Variants in LYPD6 observed in about 807,000 individuals in gnomAD.
LYPD6 encodes LY6/PLAUR domain containing 6.
A neutral mutation model predicts 22.7 loss-of-function variants in LYPD6; 15 were observed. That is an observed-to-expected ratio of 0.66 (90% CI 0.44 to 1.02). The LOEUF (loss-of-function observed/expected upper bound fraction) is 1.02, where lower values mean the gene tolerates loss of function less well. Among genes scored for constraint, LYPD6 ranks in the 50% least tolerant of loss-of-function variants. LYPD6 has a pLI of 0.00. For missense variants in LYPD6, 189 were observed against 208.4 expected, an observed-to-expected ratio of 0.91 and a Z score of 0.57; for synonymous variants, 72 against 77.5, an observed-to-expected ratio of 0.93 and a Z score of 0.37.
intron 1 of LYPD6, among the ~76,000 whole-genome samples, chr2:149,407,231 G>C (rs184257641): frequency 6.6e-6 from 1 of 152,268 alleles, no homozygotes; most frequent in East Asian, 1.9e-4. Flanking sequence ...TCTTCTGGAG[G>C]AGTATCTTTG....
chr2:149,368,269 T>C (rs1681724984), intron 1 of LYPD6: 1 of 152,246 alleles, frequency 6.6e-6, no homozygotes, highest in African/African-American at 2.4e-5. Flanking sequence ...TGGGAGGCAT[T>C]GGAGTATTAG....
chr2:149,470,534 G>C (rs1681308709), intron 4 of LYPD6, 149 bp from the exon 5 acceptor site: 3 of 638,816 alleles, frequency 4.7e-6, no homozygotes, highest in Non-Finnish European at 8.1e-6. Flanking sequence ...ATTATCCCCA[G>C]CCTTCCTGAA....
chr2:149,388,337 A>T (rs1326511236), intron 1 of LYPD6, among the ~76,000 whole-genome samples: 2 of 152,182 alleles, frequency 1.3e-5, no homozygotes, highest in African/African-American at 4.8e-5. Context: ...TGAATTCAGA[A>T]ACATTGCTAT....
Position 149,443,156 on chromosome 2 carries a change from C to T in LYPD6, c.118+5330C>T, listed in dbSNP as rs143967512. On this transcript the variant is annotated intron_variant, in intron 2 of 4. Transcript: ENST00000334166. ...TGTTTATAGTATGTCACTTGTCTCACAAAAGATCATTTTGAAAAGTCTATT... is the reference window on the plus strand; with the variant it reads ...TGTTTATAGTATGTCACTTGTCTCATAAAAGATCATTTTGAAAAGTCTATT... 2.8e-3 allele frequency among the ~76,000 whole-genome samples: 433 copies of T among 152,308 alleles called. 2 individuals carry two copies. Among genetic ancestry groups the T allele is most frequent in the Non-Finnish European group, 4.7e-3 (317 of 68,026 alleles).
chr2:149,468,617 A>G, intron 3 of LYPD6, 28 bp from the exon 4 acceptor site: 1 of 1,605,400 alleles, frequency 6.2e-7, no homozygotes, highest in Non-Finnish European at 8.5e-7. Flanking sequence ...AACATTTCCC[A>G]TCTCAAATAT....
chr2:149,379,204 G>T (rs1053803717), intron 1 of LYPD6, among the ~76,000 whole-genome samples: 7 of 152,078 alleles, frequency 4.6e-5, no homozygotes, highest in African/African-American at 1.7e-4. Context: ...GCTGCAGCTG[G>T]TTTTGGTATC....
intron 1 of LYPD6, among the ~76,000 whole-genome samples, chr2:149,356,722 G>T (rs1334697654): frequency 6.6e-6 from 1 of 152,180 alleles, no homozygotes; most frequent in Non-Finnish European, 1.5e-5. Context: ...AAATGGTGAA[G>T]CTCACAATCT....
intron 3 of LYPD6, among the ~76,000 whole-genome samples, chr2:149,456,405 G>A (rs1315197520): frequency 2.0e-5 from 3 of 152,192 alleles, no homozygotes; most frequent in African/African-American, 7.2e-5. Context: ...TCGCATGCCT[G>A]TTTTCAGTCA....
intron 1 of LYPD6, among the ~76,000 whole-genome samples, chr2:149,410,018 C>A (rs2105120958): frequency 6.6e-6 from 1 of 152,296 alleles, no homozygotes; most frequent in South Asian, 2.1e-4. Flanking sequence ...CCACACACTG[C>A]TCTGTCCCTC....
Position 149,394,271 on chromosome 2 carries a change from C to T in LYPD6, c.-71-43367C>T, listed in dbSNP as rs74925748. Among the ~76,000 whole-genome samples the T allele has an allele frequency of 2.5e-3, 377 of 152,238 alleles. 1 individual carries two copies. The highest frequency in any genetic ancestry group is 8.8e-3 in the African/African-American group (365 of 41,556). On this transcript the variant is annotated intron_variant, in intron 1 of 4. Coordinates refer to ENST00000334166, the MANE Select transcript of LYPD6 (RefSeq NM_194317.5). ...TAGTGCTTCTAGAAGCTTCCCTCCC[C>T]TCTGGGTCCCTGAGGGGATTCTTTT...
chr2:149,482,720 T>C, the LYPD6 span, among the ~76,000 whole-genome samples: 1 of 152,144 alleles, frequency 6.6e-6, no homozygotes, highest in Non-Finnish European at 1.5e-5. Context: ...AATACTTGAG[T>C]TCTTCACGTC....
intron 3 of LYPD6, among the ~76,000 whole-genome samples, chr2:149,459,006 A>G (rs764410082): frequency 4.6e-5 from 7 of 152,250 alleles, no homozygotes; most frequent in Non-Finnish European, 1.0e-4. Flanking sequence ...AACAAGAGAA[A>G]GAGGGTGAAG....
intron 1 of LYPD6, among the ~76,000 whole-genome samples, chr2:149,419,236 G>C (rs919554424): frequency 3.3e-5 from 5 of 152,108 alleles, no homozygotes; most frequent in Admixed American, 3.3e-4. Context: ...CTTTTACTGG[G>C]CTCTAATGAT....
intron 1 of LYPD6, among the ~76,000 whole-genome samples, chr2:149,399,747 TAATGA>T (rs1682511473): frequency 6.6e-6 from 1 of 151,322 alleles, no homozygotes; most frequent in African/African-American, 2.4e-5. Flanking sequence ...AATAAGTACA[TAATGA>T]AATAAATAAA....
chr2:149,361,043 CAG>C (rs1326459712), intron 1 of LYPD6, among the ~76,000 whole-genome samples: 4 of 152,128 alleles, frequency 2.6e-5, no homozygotes, highest in African/African-American at 9.7e-5. Flanking sequence ...TAACAAAAGA[CAG>C]ATTAAGATGA....
intron 1 of LYPD6, among the ~76,000 whole-genome samples, chr2:149,434,074 C>T (rs1009148071): frequency 4.6e-5 from 7 of 151,934 alleles, no homozygotes; most frequent in African/African-American, 1.7e-4. Flanking sequence ...CCTGTCAGCC[C>T]GTCATCTATG....
chr2:149,372,534 A>G (rs972412487), intron 1 of LYPD6, among the ~76,000 whole-genome samples: 60 of 152,322 alleles, frequency 3.9e-4, no homozygotes, highest in Middle Eastern at 3.4e-3. Flanking sequence ...TCACTTTTAA[A>G]TTAACAAACT....
intron 1 of LYPD6, among the ~76,000 whole-genome samples, chr2:149,342,949 G>A (rs138962555): frequency 1.1e-4 from 16 of 152,286 alleles, no homozygotes; most frequent in Admixed American, 1.3e-4. Flanking sequence ...CTATTTGGAG[G>A]CTCAACTTTC....
chr2:149,484,754 A>G, the LYPD6 span, among the ~76,000 whole-genome samples: 27 of 152,326 alleles, frequency 1.8e-4, 2 homozygotes, highest in South Asian at 3.9e-3. Flanking sequence ...GATAAAAAGA[A>G]GCACACCTAA....
Sources: gnomAD v4.1 joint callset for allele counts (sites outside exome capture counted in the v4.1 genomes callset) on GRCh38, gnomAD v4.1.1 for gene constraint, MANE v1.5 for transcripts, NCBI Gene and HGNC (gene_info 2026-07-23, HGNC 2026-07-21) for gene names.